Variants in TXNRD1 observed in about 807,000 individuals in gnomAD.
TXNRD1 encodes the protein thioredoxin reductase 1.
A neutral mutation model predicts 80.3 loss-of-function variants in TXNRD1; 57 were observed. The ratio of observed to expected loss-of-function variants is 0.71; its 90% CI spans 0.57 to 0.89. TXNRD1 has a LOEUF of 0.89. Ranked by LOEUF, TXNRD1 falls within the 40% of genes least tolerant of loss-of-function variation. The pLI, the probability that TXNRD1 is intolerant of heterozygous loss-of-function variation, is 0.00. For synonymous variants in TXNRD1, 291 were observed against 285.2 expected (o/e 1.02, Z -0.20); for missense variants, 730 against 803.0 (o/e 0.91, Z 1.10).
At chr12:104,304,617 T>C (rs868212037) in intron 4 of TXNRD1, 5 of 1,613,952 alleles carry the variant, frequency 3.1e-6, no homozygotes, top group Non-Finnish European at 4.2e-6. Flanking sequence ...TTGGGATTGT[T>C]GCAAACCTAC....
intron 4 of TXNRD1, among the ~76,000 whole-genome samples, chr12:104,308,149 C>T (rs1293985749): frequency 6.6e-6 from 1 of 152,134 alleles, no homozygotes; most frequent in African/African-American, 2.4e-5. Flanking sequence ...GCGCCTGCCA[C>T]CACGCCCAGC....
chr12:104,270,110 A>G (rs990961375), intron 3 of TXNRD1, among the ~76,000 whole-genome samples: 10 of 152,178 alleles, frequency 6.6e-5, no homozygotes, highest in African/African-American at 2.2e-4. Flanking sequence ...AAGGGTTGGA[A>G]TCACCTTCTT....
Position 104,326,370 on chromosome 12 carries a change from T to C in TXNRD1, c.1332T>C (p.Asp444=). ...AGGTGATGCTGGCAATAGGAAGAGA[T>C]GCTTGCACAAGAAAAATTGGCTTAG... is the stretch of plus-strand genomic sequence containing the variant. ...YNTVMLAIGR[D]ACTRKIGLET... is the part of the protein sequence containing the mutation. The change falls in exon 12 of 17, where the codon GAT becomes GAC. Residue 444 remains aspartate (D), a synonymous_variant. Transcript: ENST00000525566. 1 of 1,594,784 alleles carries C rather than the reference T, an allele frequency of 6.3e-7. No homozygotes were observed. Among genetic ancestry groups the C allele is most frequent in the Non-Finnish European group, 8.5e-7 (1 of 1,172,168 alleles).
rs1231515887 is a variant in TXNRD1 at position 104,339,390 on chromosome 12, G to C, written c.1881+117G>C. On this transcript the variant is annotated intron_variant, in intron 16 of 16. Transcript: ENST00000525566. ...TGAGTTTGATGATGATTCCTCAAAA[G>C]AGGGCTTTGTCTCTAAAAATTAGTT... The C allele has an allele frequency of 3.6e-6, 5 of 1,384,894 alleles. No homozygotes were observed. The East Asian group carries it at 1.1e-4, about 32-fold the overall frequency. The allele number at this position is 1,384,894 out of a possible 1,614,324, so 85.8% of individuals were successfully genotyped here.
intron 1 of TXNRD1, among the ~76,000 whole-genome samples, chr12:104,233,493 A>G (rs1320818245): frequency 1.3e-5 from 2 of 152,164 alleles, no homozygotes; most frequent in Admixed American, 6.6e-5. Context: ...AAAAATAAAA[A>G]TGCTCCAAAT....
intron 4 of TXNRD1, chr12:104,290,856 C>T: frequency 2.1e-6 from 1 of 480,208 alleles, no homozygotes; most frequent in Non-Finnish European, 3.7e-6. Context: ...TGTAATTCTA[C>T]TGATACTCCT....
chr12:104,290,847 G>T (rs1406578792), intron 4 of TXNRD1: 1 of 452,698 alleles, frequency 2.2e-6, no homozygotes, highest in Non-Finnish European at 3.9e-6. Context: ...TGATCTTTAT[G>T]TAATTCTACT....
At chr12:104,221,607 C>T (rs997851417) in intron 1 of TXNRD1, among the ~76,000 whole-genome samples, 2 of 152,190 alleles carry the variant, frequency 1.3e-5, no homozygotes, top group Admixed American at 6.5e-5. Flanking sequence ...CATGAGCCAC[C>T]GCTCCCGGCC....
chr12:104,308,966 TG>T (rs1216273047), intron 4 of TXNRD1, among the ~76,000 whole-genome samples: 1 of 151,436 alleles, frequency 6.6e-6, no homozygotes, highest in Admixed American at 6.6e-5. Context: ...GCCATGATCT[TG>T]GCTCACTGCA....
chr12:104,321,002 C>G, intron 9 of TXNRD1, 89 bp from the exon 10 acceptor site: 1 of 915,982 alleles, frequency 1.1e-6, no homozygotes, highest in Non-Finnish European at 1.7e-6. Context: ...ATGTTCTTGT[C>G]AAAGTAAAAA....
At chr12:104,256,776 C>A (rs200227141) in intron 2 of TXNRD1, among the ~76,000 whole-genome samples, 889 of 118,748 alleles carry the variant, frequency 7.5e-3, no homozygotes, top group Non-Finnish European at 9.0e-3. Flanking sequence ...GACTCTGTCT[C>A]AAAAAAAAAA....
At chr12:104,274,960 A>G (rs2033725485) in intron 3 of TXNRD1, among the ~76,000 whole-genome samples, 1 of 152,110 alleles carries the variant, frequency 6.6e-6, no homozygotes. Context: ...TGGGACACTG[A>G]GCGACCAAAA....
At chr12:104,329,533 C>A (rs939134053) in intron 13 of TXNRD1, among the ~76,000 whole-genome samples, 3 of 151,768 alleles carry the variant, frequency 2.0e-5, no homozygotes, top group Non-Finnish European at 4.4e-5. Context: ...CCTCTAGTCC[C>A]AGCTACACAG....
chr12:104,325,356 G>A lies in TXNRD1; in HGVS notation c.1235G>A (p.Gly412Glu), dbSNP rs1392846163. Residue 412 changes from glycine (G) to glutamate (E), a missense_variant, in exon 11 of 17, where the codon GGG becomes GAG. Physicochemically the swap from Gly to Glu is moderately conservative, Grantham distance 98. Coordinates refer to ENST00000525566, the MANE Select transcript of TXNRD1 (RefSeq NM_001093771.3). ...TTACAGGTTGAACAAATTGAAGCAGGGACACCAGGCCGACTCAGAGTAGTA... is the reference window on the plus strand; with the variant it reads ...TTACAGGTTGAACAAATTGAAGCAGAGACACCAGGCCGACTCAGAGTAGTA... ...VPIKVEQIEA[G>E]TPGRLRVVAQ... 3 of 1,612,964 alleles carry A rather than the reference G, an allele frequency of 1.9e-6. No individual in the cohort carries two copies. The highest frequency in any genetic ancestry group is 2.5e-6 in the Non-Finnish European group (3 of 1,179,462).
At chr12:104,331,171 T>G (rs1022267370) in intron 13 of TXNRD1, among the ~76,000 whole-genome samples, 1 of 152,188 alleles carries the variant, frequency 6.6e-6, no homozygotes, top group African/African-American at 2.4e-5. Context: ...CTTTTAATTT[T>G]TTATCACTGA....
In TXNRD1 at chr12:104,303,941, A is replaced by G. The variant is rs1396069524; in HGVS notation, c.415-7349A>G. On this transcript the variant is annotated intron_variant, in intron 4 of 16. Coordinates refer to ENST00000525566, the MANE Select transcript of TXNRD1 (RefSeq NM_001093771.3). ...GGCGGCGGAGGGAGCGCTGATGAAG[A>G]TGGATGTGTCAGTGAGGGCCGCGGG... 6.3e-7 allele frequency: 1 copy of G among 1,595,006 alleles called. No individual in the cohort carries two copies. Among genetic ancestry groups the G allele is most frequent in the Non-Finnish European group, 8.5e-7 (1 of 1,175,618 alleles).
chr12:104,260,921 A>G (rs1436234761), intron 3 of TXNRD1, among the ~76,000 whole-genome samples: 1 of 152,208 alleles, frequency 6.6e-6, no homozygotes, highest in Non-Finnish European at 1.5e-5. Flanking sequence ...TGAATGCACT[A>G]AGTGCTTGGG....
chr12:104,277,569 A>G (rs1175278031), intron 3 of TXNRD1, among the ~76,000 whole-genome samples: 3 of 152,166 alleles, frequency 2.0e-5, no homozygotes, highest in Non-Finnish European at 4.4e-5. Flanking sequence ...TCTCCAAAAA[A>G]CAAACAAATA....
At chr12:104,289,850 A>C (rs373514048) in intron 4 of TXNRD1, among the ~76,000 whole-genome samples, 18 of 152,158 alleles carry the variant, frequency 1.2e-4, no homozygotes, top group African/African-American at 4.1e-4. Flanking sequence ...CTCCTGCCTC[A>C]GCCTCCCGAG....
Sources: allele counts gnomAD v4.1 joint callset (sites outside exome capture counted in the v4.1 genomes callset), GRCh38; gene constraint gnomAD v4.1.1; transcripts MANE v1.5; gene names NCBI Gene and HGNC (gene_info 2026-07-23, HGNC 2026-07-21).